PLCE1: variants seen among roughly 807,000 people sequenced by gnomAD.
PLCE1 encodes the protein 1-phosphatidylinositol 4,5-bisphosphate phosphodiesterase epsilon-1.
A neutral mutation model predicts 242.8 loss-of-function variants in PLCE1; 119 were observed. That is an observed-to-expected ratio of 0.49 (90% confidence interval 0.42 to 0.57). The LOEUF is 0.57. PLCE1 is among the 20% of genes least tolerant of loss of function. The pLI, the probability that PLCE1 is intolerant of heterozygous loss-of-function variation, is 0.00. For missense variants in PLCE1, 2,441 were observed against 2,788.8 expected (o/e 0.88, Z 2.81); for synonymous variants, 945 against 1,017.4 (o/e 0.93, Z 1.35).
At chr10:94,316,433 C>T (rs907578522) in intron 28 of PLCE1, 114 bp from the exon 29 acceptor site, 21 of 714,544 alleles carry the variant, frequency 2.9e-5, no homozygotes, top group South Asian at 5.9e-5. Context: ...TTATGCAATA[C>T]TCTAGAGTAA....
In PLCE1 at chr10:94,235,991, A is replaced by G. The variant is rs774971762; in HGVS notation, c.2291A>G (p.Glu764Gly). 2 of 1,613,900 alleles carry G rather than the reference A, an allele frequency of 1.2e-6. No homozygotes were observed. The highest frequency in any genetic ancestry group is 1.7e-6 in the Non-Finnish European group (2 of 1,179,886). ...GQNGLKNSEK[E>G]STVNSIFQVI... Reference sequence around the variant, plus strand: ...AATGGCTTAAAGAATTCGGAGAAGGAGTCCACTGTCAACAGCATCTTTCAG... The same window carrying G: ...AATGGCTTAAAGAATTCGGAGAAGGGGTCCACTGTCAACAGCATCTTTCAG... Residue 764 changes from glutamate to glycine, a missense_variant, in exon 7 of 33, where the codon GAG becomes GGG. Transcript: ENST00000371380.
At chr10:94,291,789 A>G (rs2052654639) in intron 22 of PLCE1, among the ~76,000 whole-genome samples, 2 of 152,128 alleles carry the variant, frequency 1.3e-5, no homozygotes, top group South Asian at 4.1e-4. Flanking sequence ...GCTTTCTGGA[A>G]ATGTTGTTAT....
chr10:94,186,176 G>A (rs2048471903), intron 4 of PLCE1, among the ~76,000 whole-genome samples: 1 of 152,188 alleles, frequency 6.6e-6, no homozygotes, highest in Non-Finnish European at 1.5e-5. Context: ...TCTGGCAAAA[G>A]GTAAAAATGG....
At chr10:94,157,966 T>A (rs943659139) in intron 3 of PLCE1, among the ~76,000 whole-genome samples, 21 of 152,312 alleles carry the variant, frequency 1.4e-4, no homozygotes, top group African/African-American at 3.4e-4. Flanking sequence ...TGGGGTGCTG[T>A]GCTGTCTACA....
intron 8 of PLCE1, among the ~76,000 whole-genome samples, chr10:94,248,587 C>CA (rs1299975097): frequency 7.5e-6 from 1 of 132,542 alleles, no homozygotes; most frequent in Non-Finnish European, 1.6e-5. Context: ...AAGACTGTCT[C>CA]AAAAAAACAA....
chr10:94,088,995 C>A, intron 2 of PLCE1: 2 of 1,327,566 alleles, frequency 1.5e-6, no homozygotes, highest in South Asian at 1.5e-5. Context: ...GGTATTACAT[C>A]ATTTCATTTC....
chr10:94,045,456 C>T (rs991465965), intron 2 of PLCE1, among the ~76,000 whole-genome samples: 7 of 152,122 alleles, frequency 4.6e-5, no homozygotes, highest in South Asian at 4.1e-4. Flanking sequence ...TCTATAATCA[C>T]GTTCAGTCCC....
At chr10:94,138,645 A>T (rs1366125245) in intron 3 of PLCE1, 1 of 360,734 alleles carries the variant, frequency 2.8e-6, no homozygotes, top group African/African-American at 2.1e-5. Context: ...GCTGATGCTG[A>T]TGCTAGGAGG....
chr10:94,270,694 G>C (rs2051696633), intron 18 of PLCE1, 92 bp downstream of exon 18: 2 of 853,052 alleles, frequency 2.3e-6, no homozygotes, highest in Non-Finnish European at 4.0e-6. Context: ...TTTTGAGACA[G>C]AGTCTCGCTC....
At chr10:94,178,874 A>G (rs987501510) in intron 4 of PLCE1, among the ~76,000 whole-genome samples, 7 of 152,196 alleles carry the variant, frequency 4.6e-5, no homozygotes, top group Middle Eastern at 3.2e-3. Context: ...TTGAATTTGT[A>G]TATTGAACCA....
At chr10:94,283,936 G>T (rs1383820249) in intron 21 of PLCE1, 25 bp downstream of exon 21, 3 of 1,605,626 alleles carry the variant, frequency 1.9e-6, no homozygotes, top group South Asian at 2.2e-5. Flanking sequence ...TCTGTTAAAT[G>T]ACACTTTGAC....
At chr10:94,207,528 T>C (rs1221603847) in intron 4 of PLCE1, among the ~76,000 whole-genome samples, 1 of 151,432 alleles carries the variant, frequency 6.6e-6, no homozygotes, top group Non-Finnish European at 1.5e-5. Flanking sequence ...TGTGTGTGTG[T>C]GTGTGTGTGT....
intron 2 of PLCE1, among the ~76,000 whole-genome samples, chr10:94,129,554 A>G (rs570520275): frequency 1.3e-5 from 2 of 152,286 alleles, no homozygotes; most frequent in African/African-American, 4.8e-5. Flanking sequence ...AGACTGAATG[A>G]GTCACTGGGA....
intron 4 of PLCE1, among the ~76,000 whole-genome samples, chr10:94,203,501 G>A (rs2049046834): frequency 6.6e-6 from 1 of 152,166 alleles, no homozygotes; most frequent in African/African-American, 2.4e-5. Flanking sequence ...TTGAAATGTA[G>A]AGTTCTTCAG....
chr10:94,302,120 G>A (rs1246927971), intron 24 of PLCE1, among the ~76,000 whole-genome samples: 1 of 152,136 alleles, frequency 6.6e-6, no homozygotes, highest in Admixed American at 6.6e-5. Context: ...TGAAGTTCTG[G>A]GACCATGTCC....
At chr10:94,282,817 C>T (rs1384970107) in intron 20 of PLCE1, among the ~76,000 whole-genome samples, 1 of 152,170 alleles carries the variant, frequency 6.6e-6, no homozygotes, top group Non-Finnish European at 1.5e-5. Flanking sequence ...CTCCCCTGCT[C>T]CTAACGGTCA....
rs568393061 is a variant in PLCE1 at position 94,272,535 on chromosome 10, C to T, written c.4507-1027C>T. Among the ~76,000 whole-genome samples, 53 of 152,100 alleles carry T rather than the reference C, an allele frequency of 3.5e-4. 1 individual carries two copies. In the South Asian group the frequency reaches 4.2e-3, roughly 12 times the overall value. The stretch of plus-strand genomic sequence containing the variant: ...TTGTACAATAGTGGTCCTGAGGTGA[C>T]GTACATTTTCAGCTTACAAAGATAA... On this transcript the variant is annotated intron_variant, in intron 18 of 32. Coordinates refer to ENST00000371380, the MANE Select transcript of PLCE1 (RefSeq NM_016341.4).
intron 4 of PLCE1, among the ~76,000 whole-genome samples, chr10:94,194,749 A>G (rs1479629255): frequency 1.3e-5 from 2 of 152,248 alleles, no homozygotes. Context: ...GCAAGAATTA[A>G]AAGAGAATTT....
At chr10:94,235,869 C>G (rs775055863) in intron 6 of PLCE1, 46 bp from the exon 7 acceptor site, 29 of 1,531,504 alleles carry the variant, frequency 1.9e-5, no homozygotes, top group Non-Finnish European at 2.6e-5. Context: ...GTATGTTATC[C>G]AGGCATATTA....
Sources: allele counts gnomAD v4.1 joint callset (sites outside exome capture counted in the v4.1 genomes callset), GRCh38; gene constraint gnomAD v4.1.1; transcripts MANE v1.5; gene names NCBI Gene and HGNC (gene_info 2026-07-23, HGNC 2026-07-21).